Variants in EPHB1 observed in about 807,000 individuals in gnomAD.
The protein encoded by EPHB1 is ephrin type-B receptor 1.
EPHB1 carries 30 observed loss-of-function variants against 94.4 expected under a neutral mutation model. That is an observed-to-expected ratio of 0.32 (90% confidence interval 0.24 to 0.43). The LOEUF (loss-of-function observed/expected upper bound fraction) is 0.43, where lower values mean the gene tolerates loss of function less well. Among genes scored for constraint, EPHB1 ranks in the 20% least tolerant of loss-of-function variants. EPHB1 has a pLI of 1.00. For synonymous variants in EPHB1, 522 were observed against 489.1 expected, an observed-to-expected ratio of 1.07 and a Z score of -0.89; for missense variants, 1,055 against 1,308.3, an observed-to-expected ratio of 0.81 and a Z score of 2.99.
intron 1 of EPHB1, among the ~76,000 whole-genome samples, chr3:134,863,158 C>G (rs571090105): frequency 2.0e-5 from 3 of 152,324 alleles, no homozygotes; most frequent in African/African-American, 7.2e-5. Flanking sequence ...ACAGAGGTTT[C>G]CTAGCTAACT....
intron 1 of EPHB1, among the ~76,000 whole-genome samples, chr3:134,850,839 A>C (rs1300952024): frequency 6.6e-6 from 1 of 152,154 alleles, no homozygotes; most frequent in African/African-American, 2.4e-5. Flanking sequence ...AGGTGCAGAC[A>C]GTGTCCCCAG....
chr3:135,052,827 C>T (rs1160352093), intron 3 of EPHB1, among the ~76,000 whole-genome samples: 12 of 118,594 alleles, frequency 1.0e-4, no homozygotes, highest in African/African-American at 3.7e-4. Flanking sequence ...TGCCACTGCA[C>T]TCCAGCCTGG....
chr3:135,017,012 C>A (rs946027058), intron 3 of EPHB1, among the ~76,000 whole-genome samples: 1 of 152,200 alleles, frequency 6.6e-6, no homozygotes, highest in African/African-American at 2.4e-5. Context: ...AACTGGCAGA[C>A]TTCTTCCTTA....
intron 1 of EPHB1, among the ~76,000 whole-genome samples, chr3:134,914,440 G>A (rs1357298487): frequency 6.6e-6 from 1 of 152,186 alleles, no homozygotes; most frequent in Non-Finnish European, 1.5e-5. Flanking sequence ...GTAATTTGCT[G>A]AAGGTCTCAC....
chr3:135,179,114 C>T (rs1942075870), intron 9 of EPHB1, among the ~76,000 whole-genome samples: 1 of 152,110 alleles, frequency 6.6e-6, no homozygotes, highest in South Asian at 2.1e-4. Context: ...TATCTTGCCA[C>T]CGTATATATC....
chr3:135,105,378 C>T (rs1361260451), intron 3 of EPHB1, among the ~76,000 whole-genome samples: 1 of 152,094 alleles, frequency 6.6e-6, no homozygotes, highest in African/African-American at 2.4e-5. Flanking sequence ...ACAAGTTGAC[C>T]AGTCAGTAGG....
At chr3:134,936,643 C>T (rs2039009005) in intron 2 of EPHB1, among the ~76,000 whole-genome samples, 1 of 152,176 alleles carries the variant, frequency 6.6e-6, no homozygotes, top group South Asian at 2.1e-4. Flanking sequence ...ACATCCTTAT[C>T]TCCATGCATG....
chr3:134,796,764 G>C (rs1315400795), intron 1 of EPHB1, among the ~76,000 whole-genome samples: 1 of 152,280 alleles, frequency 6.6e-6, no homozygotes, highest in Non-Finnish European at 1.5e-5. Flanking sequence ...CGCTGCCGCA[G>C]TCCGGCTAGC....
intron 1 of EPHB1, among the ~76,000 whole-genome samples, chr3:134,839,595 C>T (rs2400349): frequency 0.051 from 7,763 of 151,792 alleles, 280 homozygotes; most frequent in South Asian, 0.2. Flanking sequence ...GGACTGAGAG[C>T]GCCCAATTCT....
intron 3 of EPHB1, among the ~76,000 whole-genome samples, chr3:135,078,168 C>G (rs1454355714): frequency 6.6e-6 from 1 of 152,184 alleles, no homozygotes; most frequent in Non-Finnish European, 1.5e-5. Flanking sequence ...AGGCCAGGCT[C>G]TTAAAGGCCC....
intron 3 of EPHB1, among the ~76,000 whole-genome samples, chr3:135,032,618 G>T (rs1341794894): frequency 6.6e-6 from 1 of 152,188 alleles, no homozygotes; most frequent in Non-Finnish European, 1.5e-5. Context: ...AGCTCTATGT[G>T]AGTGGCGGGG....
chr3:135,134,752 G>A (rs1461939540), intron 5 of EPHB1, among the ~76,000 whole-genome samples: 1 of 152,182 alleles, frequency 6.6e-6, no homozygotes, highest in East Asian at 1.9e-4. Flanking sequence ...CAGAAAACTG[G>A]CTGAAATATT....
chr3:134,802,645 G>A (rs149749963), intron 1 of EPHB1, among the ~76,000 whole-genome samples: 1 of 152,344 alleles, frequency 6.6e-6, no homozygotes, highest in Non-Finnish European at 1.5e-5. Flanking sequence ...AGGTGGTACA[G>A]ACAGGATTGA....
chr3:134,946,671 G>A (rs748668026), intron 2 of EPHB1, among the ~76,000 whole-genome samples: 42 of 152,144 alleles, frequency 2.8e-4, no homozygotes, highest in Admixed American at 2.5e-3. Flanking sequence ...CTCATGAATG[G>A]CTTGATGGTC....
chr3:134,858,273 A>G (rs988756337), intron 1 of EPHB1, among the ~76,000 whole-genome samples: 1 of 151,976 alleles, frequency 6.6e-6, no homozygotes, highest in South Asian at 2.1e-4. Flanking sequence ...AGCCTATTCT[A>G]TTACCATTCT....
At chr3:135,252,105 C>T (rs1366371122) in intron 15 of EPHB1, among the ~76,000 whole-genome samples, 2 of 151,910 alleles carry the variant, frequency 1.3e-5, no homozygotes, top group African/African-American at 4.8e-5. Flanking sequence ...ATGCAAAGTA[C>T]TTGATCCATT....
At chr3:134,846,292 A>C (rs13072597) in intron 1 of EPHB1, among the ~76,000 whole-genome samples, 37,760 of 152,072 alleles carry the variant, frequency 0.25, 5,668 homozygotes, top group African/African-American at 0.42. Context: ...AACAGAAGCC[A>C]ATTATGAAGT....
intron 1 of EPHB1, among the ~76,000 whole-genome samples, chr3:134,797,239 G>A (rs1310882454): frequency 6.6e-6 from 1 of 152,214 alleles, no homozygotes; most frequent in Non-Finnish European, 1.5e-5. Flanking sequence ...GGAACGTGCA[G>A]GAGAAGACTG....
chr3:135,201,167 C>T (rs1010651750), intron 11 of EPHB1, among the ~76,000 whole-genome samples: 2 of 151,560 alleles, frequency 1.3e-5, no homozygotes, highest in African/African-American at 2.4e-5. Flanking sequence ...GATTGGGGGG[C>T]GGGCAAGGAG....
Sources: allele counts gnomAD v4.1 joint callset (sites outside exome capture counted in the v4.1 genomes callset), GRCh38; gene constraint gnomAD v4.1.1; transcripts MANE v1.5; gene names NCBI Gene and HGNC (gene_info 2026-07-23, HGNC 2026-07-21).